LINGO2: variants seen among roughly 807,000 people sequenced by gnomAD.
LINGO2 encodes leucine rich repeat and Ig domain containing 2.
Under a neutral mutation model 30.6 loss-of-function variants are expected in LINGO2, and 14 were observed. The ratio of observed to expected loss-of-function variants is 0.46; its 90% CI spans 0.30 to 0.72. LINGO2 has a LOEUF of 0.72. LINGO2 is among the 30% of genes least tolerant of loss of function. The pLI is 0.07. For missense variants in LINGO2, 729 were observed against 751.7 expected (o/e 0.97, Z 0.35); for synonymous variants, 317 against 288.5 (o/e 1.10, Z -1.00).
chr9:29,005,540 C>T, the LINGO2 span, among the ~76,000 whole-genome samples: 184 of 151,956 alleles, frequency 1.2e-3, 1 homozygote, highest in African/African-American at 4.0e-3. Context: ...CTTATAATAC[C>T]GAATGTACCC....
At chr9:28,366,763 A>C (rs1587550383) in intron 3 of LINGO2, among the ~76,000 whole-genome samples, 5 of 152,226 alleles carry the variant, frequency 3.3e-5, no homozygotes, top group African/African-American at 1.2e-4. Context: ...AAATACATTT[A>C]AATTTTGCTT....
At chr9:28,975,134 A>G in the LINGO2 span, among the ~76,000 whole-genome samples, 1 of 152,270 alleles carries the variant, frequency 6.6e-6, no homozygotes, top group Non-Finnish European at 1.5e-5. Context: ...AAGGTGCAAG[A>G]TAAAGGCTTG....
the LINGO2 span, among the ~76,000 whole-genome samples, chr9:28,854,435 C>G: frequency 2.6e-5 from 4 of 151,892 alleles, no homozygotes; most frequent in Admixed American, 6.6e-5. Flanking sequence ...AAAAATTGTG[C>G]TTGTGCTTTA....
At chr9:28,122,191 A>G (rs1259711763) in intron 4 of LINGO2, among the ~76,000 whole-genome samples, 1 of 152,230 alleles carries the variant, frequency 6.6e-6, no homozygotes, top group East Asian at 1.9e-4. Context: ...ATGCTTTCTC[A>G]GTGTCCAGTT....
At chr9:28,125,771 A>T (rs1479471640) in intron 4 of LINGO2, among the ~76,000 whole-genome samples, 1 of 152,248 alleles carries the variant, frequency 6.6e-6, no homozygotes, top group Non-Finnish European at 1.5e-5. Context: ...AACTGGTGAC[A>T]TTAATGAAAT....
At chr9:28,742,923 A>G in the LINGO2 span, among the ~76,000 whole-genome samples, 1 of 151,954 alleles carries the variant, frequency 6.6e-6, no homozygotes, top group Non-Finnish European at 1.5e-5. Context: ...TATTTTATGC[A>G]ATTCTTTTTT....
intron 1 of LINGO2, among the ~76,000 whole-genome samples, chr9:28,508,520 T>A (rs1186707932): frequency 6.6e-6 from 1 of 152,118 alleles, no homozygotes; most frequent in Non-Finnish European, 1.5e-5. Context: ...TTGGTTAATT[T>A]TTTTAAAAAG....
At chr9:28,046,734 T>TC (rs1426111685) in intron 4 of LINGO2, among the ~76,000 whole-genome samples, 1 of 151,598 alleles carries the variant, frequency 6.6e-6, no homozygotes, top group East Asian at 1.9e-4. Flanking sequence ...TCCACATATC[T>TC]CCTCTTTATC....
At chr9:28,099,561 C>T (rs1377606822) in intron 4 of LINGO2, among the ~76,000 whole-genome samples, 1 of 152,136 alleles carries the variant, frequency 6.6e-6, no homozygotes, top group Admixed American at 6.6e-5. Context: ...TTAGCTGACA[C>T]CATCCTGGCC....
At chr9:28,740,921 C>G in the LINGO2 span, among the ~76,000 whole-genome samples, 1 of 152,028 alleles carries the variant, frequency 6.6e-6, no homozygotes, top group Admixed American at 6.6e-5. Flanking sequence ...TAGCCTGAAT[C>G]CTGAGTCCAC....
At chr9:28,301,909 T>C (rs140226665) in intron 3 of LINGO2, among the ~76,000 whole-genome samples, 31 of 152,126 alleles carry the variant, frequency 2.0e-4, no homozygotes, top group African/African-American at 5.8e-4. Flanking sequence ...CCAGAAGAGA[T>C]TGGGGGCCTA....
chr9:28,043,832 G>C (rs1162168081), intron 4 of LINGO2, among the ~76,000 whole-genome samples: 1 of 152,078 alleles, frequency 6.6e-6, no homozygotes, highest in African/African-American at 2.4e-5. Context: ...AAGCCTGATA[G>C]CTACAAAACA....
At chr9:28,234,111 G>C (rs1821471275) in intron 4 of LINGO2, among the ~76,000 whole-genome samples, 1 of 152,114 alleles carries the variant, frequency 6.6e-6, no homozygotes, top group Admixed American at 6.5e-5. Flanking sequence ...CCACAGTGGG[G>C]TAGAGCAACC....
the LINGO2 span, among the ~76,000 whole-genome samples, chr9:29,197,095 T>C: frequency 6.6e-6 from 1 of 152,074 alleles, no homozygotes; most frequent in Non-Finnish European, 1.5e-5. Flanking sequence ...GTTGGAATTT[T>C]ACAAAGTCCA....
At chr9:28,995,526 AC>A in the LINGO2 span, among the ~76,000 whole-genome samples, 1 of 152,132 alleles carries the variant, frequency 6.6e-6, no homozygotes, top group African/African-American at 2.4e-5. Flanking sequence ...CTGGGTATAT[AC>A]CCAAAGGACT....
intron 1 of LINGO2, among the ~76,000 whole-genome samples, chr9:28,506,858 A>G (rs966420176): frequency 3.9e-5 from 6 of 151,956 alleles, no homozygotes; most frequent in Admixed American, 2.0e-4. Flanking sequence ...TGGGAAAACA[A>G]ACTTTAACAG....
At chr9:28,732,274 A>G in the LINGO2 span, among the ~76,000 whole-genome samples, 1 of 152,164 alleles carries the variant, frequency 6.6e-6, no homozygotes, top group South Asian at 2.1e-4. Flanking sequence ...AAACCAAGCA[A>G]ACTAAAATTT....
intron 4 of LINGO2, among the ~76,000 whole-genome samples, chr9:28,171,205 A>G (rs889752749): frequency 6.6e-6 from 1 of 152,228 alleles, no homozygotes; most frequent in African/African-American, 2.4e-5. Context: ...CGACTGCAAC[A>G]TGAAATTGGA....
the LINGO2 span, among the ~76,000 whole-genome samples, chr9:29,079,219 TTG>T: frequency 6.6e-6 from 1 of 152,006 alleles, no homozygotes; most frequent in African/African-American, 2.4e-5. Context: ...CTTTCTCACC[TTG>T]TATTCCTTCT....
Sources: allele counts gnomAD v4.1 joint callset (sites outside exome capture counted in the v4.1 genomes callset), GRCh38; gene constraint gnomAD v4.1.1; transcripts MANE v1.5; gene names NCBI Gene and HGNC (gene_info 2026-07-23, HGNC 2026-07-21).